The following DNAJC13 variants were observed in gnomAD, a reference collection of about 807,000 sequenced individuals.
DNAJC13 encodes the protein DnaJ heat shock protein family (Hsp40) member C13, also known as dnaJ homolog subfamily C member 13.
A neutral mutation model predicts 290.5 loss-of-function variants in DNAJC13; 75 were observed. That is an observed-to-expected ratio of 0.26 (90% CI 0.21 to 0.31). DNAJC13 has a LOEUF of 0.31. Ranked by LOEUF, DNAJC13 falls within the 10% of genes least tolerant of loss-of-function variation. The pLI is 1.00. For synonymous variants in DNAJC13, 862 were observed against 892.0 expected (o/e 0.97, Z 0.60); for missense variants, 2,260 against 2,674.5 (o/e 0.85, Z 3.42).
At chr3:132,518,507 C>T (rs1256966812) in intron 48 of DNAJC13, among the ~76,000 whole-genome samples, 1 of 152,092 alleles carries the variant, frequency 6.6e-6, no homozygotes, top group African/African-American at 2.4e-5. Flanking sequence ...CACGCACCAC[C>T]ACACCTGGCT....
intron 37 of DNAJC13, among the ~76,000 whole-genome samples, 156 bp from the exon 38 acceptor site, chr3:132,499,578 A>G (rs1284294863): frequency 1.5e-5 from 2 of 133,572 alleles, no homozygotes; most frequent in Non-Finnish European, 3.1e-5. Flanking sequence ...AACTTTTAGG[A>G]GTCCTTTGTT....
chr3:132,526,288 G>A lies in DNAJC13; in HGVS notation c.6381+7G>A, dbSNP rs762367416. The stretch of plus-strand genomic sequence containing the variant: ...GAGTGAATTAGTAGCACAAGTAAGT[G>A]ACTTTCTAGATTTAGCACTATTTTA... On this transcript the variant is annotated splice_region_variant and intron_variant, in intron 53 of 55. Transcript: ENST00000260818. The A allele has an allele frequency of 1.9e-6, 3 of 1,613,602 alleles. No individual in the cohort carries two copies. In the South Asian group the frequency reaches 3.3e-5, roughly 18 times the overall value.
rs1037766414 is a variant in DNAJC13, at chr3:132,450,962, A to G, written c.537+115A>G. 5 of 593,130 alleles carry G rather than the reference A, an allele frequency of 8.4e-6. No homozygotes were observed. In the Admixed American group the frequency reaches 1.0e-4, roughly 12 times the overall value. The allele number at this position is 593,130 out of a possible 1,614,324, so 36.7% of individuals were successfully genotyped here. A position where few individuals can be genotyped will look rare whatever the true frequency, so the allele number is the denominator to read the frequency against. ...TCACGTGAGTCCTCTGGAAGGAAGT[A>G]TAATAGTCCAGGTTTTGGTATCAAA... is the stretch of plus-strand genomic sequence containing the variant. On this transcript the variant is annotated intron_variant, in intron 6 of 55. Transcript: ENST00000260818.
At chr3:132,525,862 TG>T in intron 52 of DNAJC13, 73 bp downstream of exon 52, 1 of 1,482,698 alleles carries the variant, frequency 6.7e-7, no homozygotes, top group East Asian at 2.3e-5. Flanking sequence ...GGATATAAGT[TG>T]TAGTATTATA....
In DNAJC13 at chr3:132,456,605, T is replaced by C. The variant is rs1320460295; in HGVS notation, c.1179+25T>C. 1.4e-5 allele frequency: 22 copies of C among 1,613,338 alleles called. No individual in the cohort carries two copies. The Admixed American group carries it at 3.3e-4, about 24-fold the overall frequency. Reference sequence around the variant, plus strand: ...TGTAAGCTAAGTTTTATCATAATTGTTCATTGTTACTAACTTTTGGTATGG... The same window carrying C: ...TGTAAGCTAAGTTTTATCATAATTGCTCATTGTTACTAACTTTTGGTATGG... On this transcript the variant is annotated intron_variant, in intron 11 of 55. Transcript: ENST00000260818.
intron 3 of DNAJC13, among the ~76,000 whole-genome samples, chr3:132,446,993 C>T (rs1576464697): frequency 6.6e-6 from 1 of 152,072 alleles, no homozygotes; most frequent in East Asian, 1.9e-4. Context: ...GATATTCTGG[C>T]CTATTTTAAT....
intron 9 of DNAJC13, among the ~76,000 whole-genome samples, 173 bp from the exon 10 acceptor site, chr3:132,456,062 G>A (rs1017215799): frequency 1.3e-5 from 2 of 152,102 alleles, no homozygotes; most frequent in Non-Finnish European, 2.9e-5. Flanking sequence ...GTAGCAGCAC[G>A]GTGAAGAGCT....
At position 132,453,647 on chromosome 3, in the gene DNAJC13, C is replaced by T. The variant is rs1475034512; in HGVS notation, c.793C>T (p.Arg265Cys). 9 of 1,613,306 alleles carry T rather than the reference C, an allele frequency of 5.6e-6. No homozygotes were observed. The highest frequency in any genetic ancestry group is 3.3e-4 in the Middle Eastern group (2 of 6,078). Reference sequence around the variant, plus strand: ...ACTTACAGAAACATGTTTAGTAGAACGTGATCCGGCAACCTATAATATTGC... The same window carrying T: ...ACTTACAGAAACATGTTTAGTAGAATGTGATCCGGCAACCTATAATATTGC... The part of the protein sequence containing the change: ...LALTETCLVE[R>C]DPATYNIATL... Residue 265 changes from arginine to cysteine, a missense_variant, in exon 8 of 56, where the codon CGT becomes TGT. Around this residue, in one of 3 missense-constraint regions of DNAJC13, gnomAD observed 762 missense variants for 964.1 expected, o/e 0.79. Transcript: ENST00000260818.
intron 48 of DNAJC13, among the ~76,000 whole-genome samples, chr3:132,521,316 G>A (rs536702925): frequency 6.6e-6 from 1 of 152,282 alleles, no homozygotes; most frequent in South Asian, 2.1e-4. Context: ...AGGAGGTTAA[G>A]GAGGGAGGAT....
chr3:132,494,627 G>T (rs1336351829), intron 34 of DNAJC13, among the ~76,000 whole-genome samples: 2 of 152,096 alleles, frequency 1.3e-5, no homozygotes, highest in Admixed American at 6.5e-5. Context: ...GACACCAAAT[G>T]ACAGATTATG....
intron 1 of DNAJC13, among the ~76,000 whole-genome samples, chr3:132,426,026 C>G (rs765837199): frequency 6.6e-6 from 1 of 152,146 alleles, no homozygotes; most frequent in Non-Finnish European, 1.5e-5. Context: ...AGATCATTCT[C>G]ATTTTAACCA....
chr3:132,507,158 A>G lies in DNAJC13; in HGVS notation c.4999-79A>G, dbSNP rs1935620065. The G allele has an allele frequency of 1.9e-5, 18 of 932,884 alleles. No homozygotes were observed. In the South Asian group the frequency reaches 2.7e-4, roughly 14 times the overall value. The allele number at this position is 932,884 out of a possible 1,614,324, so 57.8% of individuals were successfully genotyped here. Reference sequence around the variant, plus strand: ...CTCTAGAATATGCATAGATCTCTCAAGTTATTTATCTGTTAAGTTATTAAA... The same window carrying G: ...CTCTAGAATATGCATAGATCTCTCAGGTTATTTATCTGTTAAGTTATTAAA... On this transcript the variant is annotated intron_variant, in intron 42 of 55. Coordinates refer to ENST00000260818, the MANE Select transcript of DNAJC13 (RefSeq NM_015268.4).
In DNAJC13 at chr3:132,509,679, C is replaced by T. The variant is rs114405100; in HGVS notation, c.5116-1388C>T. Reference sequence around the variant, plus strand: ...TTTGTTTTACTTTGGGAAGCCACCCCAACCTTCAGCAACCACCACCCTGAT... The same window carrying T: ...TTTGTTTTACTTTGGGAAGCCACCCTAACCTTCAGCAACCACCACCCTGAT... On this transcript the variant is annotated intron_variant, in intron 43 of 55. Transcript: ENST00000260818. 7.0e-3 allele frequency among the ~76,000 whole-genome samples: 1,071 copies of T among 152,294 alleles called. 10 individuals carry two copies. The highest frequency in any genetic ancestry group is 0.024 in the African/African-American group (1,012 of 41,554).
chr3:132,520,467 A>G (rs1936056814), intron 48 of DNAJC13, among the ~76,000 whole-genome samples: 1 of 152,190 alleles, frequency 6.6e-6, no homozygotes, highest in Admixed American at 6.5e-5. Flanking sequence ...AGTTCTTAGC[A>G]TTTGAAATGC....
intron 52 of DNAJC13, among the ~76,000 whole-genome samples, 153 bp from the exon 53 acceptor site, chr3:132,525,988 G>A (rs1008297265): frequency 1.2e-4 from 18 of 152,118 alleles, no homozygotes; most frequent in African/African-American, 4.3e-4. Context: ...ACCAGTTTAG[G>A]TGATATAATT....
rs10663131 is a variant in DNAJC13, at chr3:132,487,559, A to ATTTTTTTTTTTTTTTTTTT, written c.3268-737_3268-719dup. ...GCGTGAGCCACCATGCCTGGCTGTA[A>ATTTTTTTTTTTTTTTTTTT]TTTTTTTTTTTTTTTTTTTTACTGG... On this transcript the variant is annotated intron_variant, in intron 29 of 55. Transcript: ENST00000260818. Among the ~76,000 whole-genome samples, 209 of 110,388 alleles carry ATTTTTTTTTTTTTTTTTTT rather than the reference A, an allele frequency of 1.9e-3. 33 individuals are homozygous for ATTTTTTTTTTTTTTTTTTT. Among genetic ancestry groups the ATTTTTTTTTTTTTTTTTTT allele is most frequent in the African/African-American group, 9.9e-3 (186 of 18,744 alleles). The allele number at this position is 110,388 out of a possible 152,430, so 72.4% of individuals were successfully genotyped here.
intron 28 of DNAJC13, 108 bp downstream of exon 28, chr3:132,483,685 GGAATGCTGTTTT>G (rs1210739408): frequency 8.9e-7 from 1 of 1,128,286 alleles, no homozygotes; most frequent in Admixed American, 2.0e-5. Context: ...TGGCCTTGGA[GGAATGCTGTTTT>G]GACCTTTGGA....
chr3:132,487,804 T>C (rs190593118), intron 29 of DNAJC13, among the ~76,000 whole-genome samples: 22 of 152,254 alleles, frequency 1.4e-4, no homozygotes, highest in Admixed American at 1.2e-3. Flanking sequence ...CCACATCTTT[T>C]GGTACTTCCT....
rs1677561350 is a variant in DNAJC13, at chr3:132,507,296, T to G, written c.5058T>G (p.Leu1686=). 6.2e-7 allele frequency: 1 copy of G among 1,613,446 alleles called. No individual in the cohort carries two copies. The highest frequency in any genetic ancestry group is 1.3e-5 in the African/African-American group (1 of 74,900). The change falls in exon 43 of 56, where the codon CTT becomes CTG. Residue 1686 remains leucine (L), a synonymous_variant. Coordinates refer to ENST00000260818, the MANE Select transcript of DNAJC13 (RefSeq NM_015268.4). ...TCTACAGTGATCATGCCAAAGAACT[T>G]ATTGTAGGGGAGATTTTTGTTAGGG... ...EFVYSDHAKE[L]IVGEIFVRVY...
Sources: gnomAD v4.1 joint callset for allele counts (sites outside exome capture counted in the v4.1 genomes callset) on GRCh38, gnomAD v4.1.1 for gene constraint, gnomAD v4.1.1 regional missense constraint, MANE v1.5 for transcripts, NCBI Gene and HGNC (gene_info 2026-07-23, HGNC 2026-07-21) for gene names.